The following FAM83G variants were observed in gnomAD, a reference collection of about 807,000 sequenced individuals.
FAM83G encodes protein FAM83G.
FAM83G carries 38 observed loss-of-function variants against 61.5 expected under a neutral mutation model. That is an observed-to-expected ratio of 0.62 (90% confidence interval 0.48 to 0.81). FAM83G has a LOEUF of 0.81. FAM83G is among the 30% of genes least tolerant of loss of function. The pLI is 0.00. For synonymous variants in FAM83G, 470 were observed against 476.1 expected, an observed-to-expected ratio of 0.99 and a Z score of 0.17; for missense variants, 989 against 1,133.6, an observed-to-expected ratio of 0.87 and a Z score of 1.83.
Position 18,979,655 on chromosome 17 carries a change from T to G in FAM83G, c.709A>C (p.Ser237Arg). The change falls in exon 4 of 6, where the codon AGC becomes CGC. Residue 237 changes from serine to arginine, a missense_variant. Ser to Arg is a moderately radical substitution (Grantham distance 110, BLOSUM62 -1). Transcript: ENST00000388995. Reference sequence around the variant, plus strand: ...CGCGTGAAGAACTCAGTTCCCCCGCTGCTCCGCACTCTGAGATTCTGTTTT... The same window carrying G: ...CGCGTGAAGAACTCAGTTCCCCCGCGGCTCCGCACTCTGAGATTCTGTTTT... Reference protein sequence around the residue: ...GHLKNLRVRSSGGTEFFTRSA... With the variant: ...GHLKNLRVRSRGGTEFFTRSA... 1.2e-6 allele frequency: 2 copies of G among 1,613,440 alleles called. No individual in the cohort carries two copies. The highest frequency in any genetic ancestry group is 1.3e-5 in the African/African-American group (1 of 75,052).
intron 5 of FAM83G, 26 bp downstream of exon 5, chr17:18,977,558 C>T: frequency 6.3e-7 from 1 of 1,596,532 alleles, no homozygotes; most frequent in Non-Finnish European, 8.5e-7. Flanking sequence ...ACTCGTGACC[C>T]CTGGTGTGCA....
chr17:18,971,407 C>G lies in FAM83G; in HGVS notation c.2424G>C (p.Ser808=), dbSNP rs916823. The change falls in exon 6 of 6, where the codon TCG becomes TCC. Residue 808 remains serine (S), a synonymous_variant. Coordinates refer to ENST00000388995, the MANE Select transcript of FAM83G (RefSeq NM_001039999.3). This position sits in a 1 kb window ranked among gnomAD's most constrained non-coding sequence, Gnocchi z 5.5. ...GGGCTTGAGCCCTCCGTTTAGAATC[C>G]GATGAGGCCCACTGGCTACCGCCCG... ...ARTGGSQWAS[S]DSKRRAQAPR... 0.59 allele frequency: 953,622 copies of G among 1,613,130 alleles called. 283,880 individuals carry two copies. Among genetic ancestry groups the G allele is most frequent in the African/African-American group, 0.73 (54,986 of 74,956 alleles).
Position 19,003,771 on chromosome 17 carries a change from C to T in FAM83G, c.271G>A (p.Glu91Lys), listed in dbSNP as rs945914098. The T allele has an allele frequency of 3.7e-6, 6 of 1,609,922 alleles. No homozygotes were observed. The highest frequency in any genetic ancestry group is 1.3e-5 in the African/African-American group (1 of 74,680). The change falls in exon 2 of 6, where the codon GAG (glutamate) becomes AAG (lysine). Residue 91 changes from glutamate (E) to lysine (K), a missense_variant. Physicochemically the swap from Glu to Lys is moderately conservative, Grantham distance 56 (BLOSUM62 1). Transcript: ENST00000388995. This position sits in a 1 kb window ranked among gnomAD's most constrained non-coding sequence, Gnocchi z 4.5. ...TCGCCGTCGCCGACCCCATTGTCCT[C>T]GGGCCCCTGAGAGGGGCCCGTGCCC... Reference protein sequence around the residue: ...PRGTGPSQGPEDNGVGDGEEA... With the variant: ...PRGTGPSQGPKDNGVGDGEEA...
rs2152143214 is a variant in FAM83G, at chr17:19,003,730, C to A, written c.312G>T (p.Ala104=). The A allele has an allele frequency of 1.9e-6, 3 of 1,604,620 alleles. No homozygotes were observed. The highest frequency in any genetic ancestry group is 2.6e-6 in the Non-Finnish European group (3 of 1,175,536). Residue 104 remains alanine, a synonymous_variant, in exon 2 of 6, where the codon GCG becomes GCT. Transcript: ENST00000388995. The surrounding 1 kb of genome is among the most constrained non-coding windows in gnomAD (Gnocchi z 4.5). The part of the protein sequence containing the change: ...GVGDGEEASG[A]DGVPIEAEPL... Reference sequence around the variant, plus strand: ...GCTCGGCCTCGATGGGGACCCCATCCGCCCCGCTGGCTTCCTCGCCGTCGC... The same window carrying A: ...GCTCGGCCTCGATGGGGACCCCATCAGCCCCGCTGGCTTCCTCGCCGTCGC...
At position 19,003,784 on chromosome 17, in the gene FAM83G, G is replaced by C; in HGVS notation, c.258C>G (p.Pro86=). The change falls in exon 2 of 6, where the codon CCC becomes CCG. Residue 86 remains proline (P), a synonymous_variant. Transcript: ENST00000388995. The surrounding 1 kb of genome is among the most constrained non-coding windows in gnomAD (Gnocchi z 4.5). ...CCCCATTGTCCTCGGGCCCCTGAGAGGGGCCCGTGCCCCGAGGGTCCTCAG... is the reference window on the plus strand; with the variant it reads ...CCCCATTGTCCTCGGGCCCCTGAGACGGGCCCGTGCCCCGAGGGTCCTCAG... ...PGSEDPRGTG[P]SQGPEDNGVG... 6.2e-7 allele frequency: 1 copy of C among 1,611,666 alleles called. No individual in the cohort carries two copies. Among genetic ancestry groups the C allele is most frequent in the Non-Finnish European group, 8.5e-7 (1 of 1,179,318 alleles).
rs969031562 is a variant in FAM83G, at chr17:18,977,470, G to A, written c.2082+114C>T. On this transcript the variant is annotated intron_variant, in intron 5 of 5. Coordinates refer to ENST00000388995, the MANE Select transcript of FAM83G (RefSeq NM_001039999.3). Reference sequence around the variant, plus strand: ...TCAAGTTTCCCCATCTGTAACAAGGGAATTGAAGTCATCAGAGTCAGGGAC... The same window carrying A: ...TCAAGTTTCCCCATCTGTAACAAGGAAATTGAAGTCATCAGAGTCAGGGAC... The A allele has an allele frequency of 4.7e-6, 5 of 1,069,884 alleles. No homozygotes were observed. The African/African-American group carries it at 7.9e-5, about 17-fold the overall frequency. The allele number at this position is 1,069,884 out of a possible 1,614,324, so 66.3% of individuals were successfully genotyped here. A position where few individuals can be genotyped will look rare whatever the true frequency, so the allele number is the denominator to read the frequency against.
At chr17:18,992,770 G>A (rs993057599) in intron 2 of FAM83G, among the ~76,000 whole-genome samples, 7 of 152,172 alleles carry the variant, frequency 4.6e-5, no homozygotes, top group African/African-American at 1.4e-4. Context: ...TGTCCCTGCC[G>A]AGGGACCCCA....
At chr17:18,993,088 G>C (rs529639476) in intron 2 of FAM83G, among the ~76,000 whole-genome samples, 1 of 152,184 alleles carries the variant, frequency 6.6e-6, no homozygotes, top group Non-Finnish European at 1.5e-5. Context: ...GCCTGGTTCC[G>C]AGCATGGTGG....
At chr17:18,972,269 C>A (rs147378659) in intron 5 of FAM83G, among the ~76,000 whole-genome samples, 16 of 152,306 alleles carry the variant, frequency 1.1e-4, no homozygotes, top group African/African-American at 3.1e-4. Flanking sequence ...GGCACAGGCC[C>A]CACAATTGTC....
At chr17:18,995,481 G>T (rs543403738) in intron 2 of FAM83G, among the ~76,000 whole-genome samples, 2 of 152,174 alleles carry the variant, frequency 1.3e-5, no homozygotes, top group Admixed American at 1.3e-4. Context: ...AGCAAACTGT[G>T]GGTCAACTTC....
In FAM83G at chr17:18,986,714, C is replaced by T. The variant is rs191234684; in HGVS notation, c.690+1533G>A. Among the ~76,000 whole-genome samples the T allele has an allele frequency of 1.6e-3, 246 of 152,344 alleles. 2 individuals carry two copies. The highest frequency in any genetic ancestry group is 1.2e-3 in the Non-Finnish European group (81 of 68,032). On this transcript the variant is annotated intron_variant, in intron 3 of 5. Transcript: ENST00000388995. Reference sequence around the variant, plus strand: ...CCAGGTTAGGGTCCCTGCTCCAAACCGACAGGCTTGCTCCCTGCTTGCGTC... The same window carrying T: ...CCAGGTTAGGGTCCCTGCTCCAAACTGACAGGCTTGCTCCCTGCTTGCGTC...
At chr17:19,005,968 G>A (rs2043876986), upstream of FAM83G, among the ~76,000 whole-genome samples, 1 of 152,172 alleles carries the variant, frequency 6.6e-6, no homozygotes, top group Non-Finnish European at 1.5e-5. Context: ...CTGCTACTGT[G>A]GATCCCCTGT....
chr17:18,992,923 A>G (rs1178709404), intron 2 of FAM83G, among the ~76,000 whole-genome samples: 1 of 152,112 alleles, frequency 6.6e-6, no homozygotes, highest in East Asian at 1.9e-4. Flanking sequence ...AGGTGCCAAC[A>G]ACAGCCTGTG....
Position 18,981,174 on chromosome 17 carries a change from G to A in FAM83G, c.691-1501C>T, listed in dbSNP as rs533278143. On this transcript the variant is annotated intron_variant, in intron 3 of 5. Coordinates refer to ENST00000388995, the MANE Select transcript of FAM83G (RefSeq NM_001039999.3). ...GAAAACAAGCTGAATGCCCAGGATC[G>A]CAGAGGAGTAGCCTGAAGTGTGAAG... 1.2e-4 allele frequency among the ~76,000 whole-genome samples: 19 copies of A among 152,308 alleles called. No individual in the cohort carries two copies. In the South Asian group the frequency reaches 2.5e-3, roughly 20 times the overall value.
chr17:18,998,885 C>T (rs1352155058), intron 2 of FAM83G, among the ~76,000 whole-genome samples: 1 of 152,222 alleles, frequency 6.6e-6, no homozygotes, highest in Non-Finnish European at 1.5e-5. Flanking sequence ...GAGTGGCCTT[C>T]CTCCTGGTCC....
intron 5 of FAM83G, among the ~76,000 whole-genome samples, chr17:18,974,818 A>T (rs1372796956): frequency 6.6e-6 from 1 of 152,182 alleles, no homozygotes; most frequent in East Asian, 1.9e-4. Flanking sequence ...TCAGGGAGTG[A>T]GTGCCGGCTT....
Position 19,003,674 on chromosome 17 carries a change from T to C in FAM83G, c.368A>G (p.Lys123Arg), listed in dbSNP as rs2043792894. ...PLPSLEYWPQ[K>R]SDRSIPQLDL... is the part of the protein sequence containing the mutation. ...CAGCTGCGGGATGGAGCGGTCCGAC[T>C]TCTGGGGCCAGTACTCCAGGGAGGG... Residue 123 changes from lysine (K) to arginine (R), a missense_variant, in exon 2 of 6, where the codon AAG becomes AGG. By Grantham distance (26) the Lys-to-Arg change is conservative. This residue lies in a region of FAM83G where 371 missense variants were observed against 404.5 expected (regional missense o/e 0.92). Transcript: ENST00000388995. This position sits in a 1 kb window ranked among gnomAD's most constrained non-coding sequence, Gnocchi z 4.5. 1.2e-6 allele frequency: 2 copies of C among 1,611,404 alleles called. No homozygotes were observed. Among genetic ancestry groups the C allele is most frequent in the Non-Finnish European group, 1.7e-6 (2 of 1,179,206 alleles).
intron 2 of FAM83G, among the ~76,000 whole-genome samples, chr17:18,999,013 C>T (rs2043647145): frequency 6.6e-6 from 1 of 152,234 alleles, no homozygotes; most frequent in African/African-American, 2.4e-5. Flanking sequence ...GGCACGGTGG[C>T]TCATGCCTGT....
chr17:18,969,586 T>C lies in FAM83G; in HGVS notation c.*1773A>G, dbSNP rs550814663. The stretch of plus-strand genomic sequence containing the variant: ...TGAGCCACTAGGCAGTCAGCCCCCC[T>C]GCTGGCCCCTCAGGGACTGCCCTGG... On this transcript the variant is annotated 3_prime_UTR_variant, in exon 6 of 6. Transcript: ENST00000388995. 8.1e-6 allele frequency: 5 copies of C among 614,184 alleles called. No individual in the cohort carries two copies. In the Admixed American group the frequency reaches 1.5e-4, roughly 18 times the overall value. 38.0% of individuals were successfully genotyped at this position (614,184 alleles called of 1,614,324 possible). A position where few individuals can be genotyped will look rare whatever the true frequency, so the allele number is the denominator to read the frequency against.
Sources: allele counts gnomAD v4.1 joint callset (sites outside exome capture counted in the v4.1 genomes callset), GRCh38; gene constraint gnomAD v4.1.1; regional missense constraint gnomAD v4.1.1; non-coding constraint Gnocchi (gnomAD v3.1); transcripts MANE v1.5; gene names NCBI Gene and HGNC (gene_info 2026-07-23, HGNC 2026-07-21).